The following CEP135 variants were observed in gnomAD, a reference collection of about 807,000 sequenced individuals.
CEP135 encodes the protein centrosomal protein 135.
CEP135 carries 142 observed loss-of-function variants against 157.3 expected under a neutral mutation model. The ratio of observed to expected loss-of-function variants is 0.90; its 90% confidence interval spans 0.79 to 1.04. The LOEUF (loss-of-function observed/expected upper bound fraction) is 1.04. Ranked by LOEUF, CEP135 falls within the 50% of genes least tolerant of loss-of-function variation. The pLI is 0.00. For missense variants in CEP135, 1,317 were observed against 1,309.2 expected (o/e 1.01, Z -0.09); for synonymous variants, 396 against 439.8 (o/e 0.90, Z 1.25).
At chr4:56,020,811 G>A (rs766655863) in intron 24 of CEP135, 31 bp downstream of exon 24, 9 of 1,485,434 alleles carry the variant, frequency 6.1e-6, no homozygotes, top group Non-Finnish European at 8.4e-6. Flanking sequence ...ATTTGACAAT[G>A]TTTTTATGTG....
rs1355635817 is a variant in CEP135 at position 56,030,309 on chromosome 4, G to T, written c.*12-1051G>T. Among the ~76,000 whole-genome samples, 3 of 152,120 alleles carry T rather than the reference G, an allele frequency of 2.0e-5. No homozygotes were observed. In the East Asian group the frequency reaches 5.8e-4, roughly 29 times the overall value. On this transcript the variant is annotated intron_variant, in intron 25 of 25. Coordinates refer to ENST00000257287, the MANE Select transcript of CEP135 (RefSeq NM_025009.5). ...GTACACTTTAAAATAATGATTAAAA[G>T]CATAGCATAGTAAATACTAAGCAAT...
chr4:56,002,545 G>T lies in CEP135; in HGVS notation c.2280+2900G>T, dbSNP rs546689557. Among the ~76,000 whole-genome samples the T allele has an allele frequency of 1.4e-3, 212 of 152,272 alleles. No individual in the cohort carries two copies. The Middle Eastern group carries it at 0.017, about 12-fold the overall frequency. On this transcript the variant is annotated intron_variant, in intron 17 of 25. Coordinates refer to ENST00000257287, the MANE Select transcript of CEP135 (RefSeq NM_025009.5). Reference sequence around the variant, plus strand: ...TGTATCACATTTATTGATTGTGCATGTTGAACCATCCTTGCATCCTTGGGA... The same window carrying T: ...TGTATCACATTTATTGATTGTGCATTTTGAACCATCCTTGCATCCTTGGGA...
intron 5 of CEP135, 56 bp from the exon 6 acceptor site, chr4:55,959,626 C>T (rs1386578485): frequency 6.9e-7 from 1 of 1,447,712 alleles, no homozygotes; most frequent in Non-Finnish European, 9.7e-7. Flanking sequence ...AGCTTCGTTT[C>T]TTATTTTGTA....
chr4:56,006,071 G>A (rs1730337606), intron 17 of CEP135, among the ~76,000 whole-genome samples: 2 of 152,062 alleles, frequency 1.3e-5, no homozygotes, highest in South Asian at 4.1e-4. Context: ...AGTCTTTTTG[G>A]GGTTGAATCT....
rs780555374 is a variant in CEP135 at position 56,011,562 on chromosome 4, T to G, written c.2616+40T>G. The G allele has an allele frequency of 2.2e-5, 30 of 1,392,422 alleles. 1 individual carries two copies. In the Middle Eastern group the frequency reaches 4.3e-3, roughly 200 times the overall value. The allele number at this position is 1,392,422 out of a possible 1,614,324, so 86.3% of individuals were successfully genotyped here. A position where few individuals can be genotyped will look rare whatever the true frequency, so the allele number is the denominator to read the frequency against. On this transcript the variant is annotated intron_variant, in intron 20 of 25. Coordinates refer to ENST00000257287, the MANE Select transcript of CEP135 (RefSeq NM_025009.5). Reference sequence around the variant, plus strand: ...TTAGGTTGGATTTAAGACTGAGGTTTTTTTTTTTTTTAACTTTTTCATGTG... The same window carrying G: ...TTAGGTTGGATTTAAGACTGAGGTTGTTTTTTTTTTTAACTTTTTCATGTG...
chr4:55,973,728 G>A (rs1053985688), intron 10 of CEP135, among the ~76,000 whole-genome samples: 3 of 151,948 alleles, frequency 2.0e-5, no homozygotes, highest in Non-Finnish European at 4.4e-5. Flanking sequence ...TCTCTTCATA[G>A]CATCAGCGTC....
At chr4:55,961,101 CAAA>C (rs59483327) in intron 6 of CEP135, among the ~76,000 whole-genome samples, 8 of 69,984 alleles carry the variant, frequency 1.1e-4, no homozygotes, top group Non-Finnish European at 6.1e-5. Flanking sequence ...GACTCTGTCT[CAAA>C]AAAAAAAAAA....
At chr4:56,030,471 G>T (rs1268964633) in intron 25 of CEP135, among the ~76,000 whole-genome samples, 1 of 152,108 alleles carries the variant, frequency 6.6e-6, no homozygotes, top group Non-Finnish European at 1.5e-5. Flanking sequence ...TAGAGACAAG[G>T]TCTCGCGGTC....
intron 17 of CEP135, among the ~76,000 whole-genome samples, chr4:56,002,223 A>G (rs1730199133): frequency 6.6e-6 from 1 of 151,860 alleles, no homozygotes; most frequent in Non-Finnish European, 1.5e-5. Flanking sequence ...TTCAATTTGG[A>G]TGCCCTTTTT....
At chr4:55,955,814 T>C (rs537566598) in intron 4 of CEP135, among the ~76,000 whole-genome samples, 1 of 152,320 alleles carries the variant, frequency 6.6e-6, no homozygotes, top group East Asian at 1.9e-4. Context: ...TGGAGTATGC[T>C]ATACCCACAA....
At chr4:56,027,564 A>G (rs751968921) in intron 25 of CEP135, among the ~76,000 whole-genome samples, 6 of 152,198 alleles carry the variant, frequency 3.9e-5, no homozygotes, top group African/African-American at 1.4e-4. Flanking sequence ...TTGACCTTGT[A>G]GAGTCTCTGA....
intron 13 of CEP135, among the ~76,000 whole-genome samples, chr4:55,983,574 C>G (rs1729479648): frequency 6.6e-6 from 1 of 151,938 alleles, no homozygotes; most frequent in South Asian, 2.1e-4. Flanking sequence ...GTGAGAGGCT[C>G]TGTTCTATTA....
rs770788521 is a variant in CEP135 at position 55,959,719 on chromosome 4, GAA to G, written c.655_656del (p.Lys219ValfsTer12). ...ELQQEVHQLQ[E>X]KLAMMESGVR... ...TCAACAGGAAGTCCACCAGCTACAA[GAA>G]AAGTTAGCAATGATGGAAAGTGGGG... On this transcript the variant is annotated frameshift_variant, in exon 6 of 26. Transcript: ENST00000257287. LOFTEE classifies it high-confidence loss of function. 1 of 1,614,114 alleles carries G rather than the reference GAA, an allele frequency of 6.2e-7. No individual in the cohort carries two copies. The highest frequency in any genetic ancestry group is 8.5e-7 in the Non-Finnish European group (1 of 1,179,962).
chr4:55,970,843 A>G (rs922469666), intron 9 of CEP135, among the ~76,000 whole-genome samples: 1 of 152,186 alleles, frequency 6.6e-6, no homozygotes, highest in African/African-American at 2.4e-5. Flanking sequence ...GTAAATCCTT[A>G]GTGTCCTGGT....
chr4:55,971,770 A>G (rs1430354441), intron 10 of CEP135, among the ~76,000 whole-genome samples: 2 of 152,208 alleles, frequency 1.3e-5, no homozygotes, highest in Non-Finnish European at 2.9e-5. Flanking sequence ...TTATCTTAAA[A>G]TACACACACA....
At chr4:55,987,840 T>C (rs1243341471) in intron 14 of CEP135, among the ~76,000 whole-genome samples, 1 of 152,178 alleles carries the variant, frequency 6.6e-6, no homozygotes, top group Non-Finnish European at 1.5e-5. Flanking sequence ...CAGACTAATA[T>C]TTAGTTAGGA....
intron 9 of CEP135, 139 bp from the exon 10 acceptor site, chr4:55,971,131 T>C (rs1301324133): frequency 2.1e-6 from 1 of 483,786 alleles, no homozygotes; most frequent in African/African-American, 2.0e-5. Flanking sequence ...TGAAACCTTA[T>C]ATTTGACTAA....
At position 56,020,809 on chromosome 4, in the gene CEP135, A is replaced by G. The variant is rs760865255; in HGVS notation, c.3320+29A>G. On this transcript the variant is annotated intron_variant, in intron 24 of 25. Coordinates refer to ENST00000257287, the MANE Select transcript of CEP135 (RefSeq NM_025009.5). Reference sequence around the variant, plus strand: ...AGACAAATTTTTTTTACATTTGACAATGTTTTTATGTGTTCTCTATTGTAC... The same window carrying G: ...AGACAAATTTTTTTTACATTTGACAGTGTTTTTATGTGTTCTCTATTGTAC... 14 of 1,503,782 alleles carry G rather than the reference A, an allele frequency of 9.3e-6. 1 individual carries two copies. The highest frequency in any genetic ancestry group is 3.4e-5 in the Admixed American group (2 of 58,928). 93.2% of individuals were successfully genotyped at this position (1,503,782 alleles called of 1,614,324 possible). A position where few individuals can be genotyped will look rare whatever the true frequency, so the allele number is the denominator to read the frequency against.
chr4:56,011,601 A>T (rs1730586438), intron 20 of CEP135, 79 bp downstream of exon 20: 1 of 1,054,964 alleles, frequency 9.5e-7, no homozygotes, highest in Admixed American at 2.6e-5. Context: ...CTACAATTAG[A>T]TATTAAACAT....
Sources: allele counts gnomAD v4.1 joint callset (sites outside exome capture counted in the v4.1 genomes callset), GRCh38; gene constraint gnomAD v4.1.1; transcripts MANE v1.5; gene names NCBI Gene and HGNC (gene_info 2026-07-23, HGNC 2026-07-21).